Variants in OPHN1 observed in about 807,000 individuals in gnomAD.
The protein encoded by OPHN1 is oligophrenin-1.
A neutral mutation model predicts 60.7 loss-of-function variants in OPHN1; 11 were observed. That is an observed-to-expected ratio of 0.18 (90% CI 0.11 to 0.30). The LOEUF is 0.30. Among genes scored for constraint, OPHN1 ranks in the 10% least tolerant of loss-of-function variants. The pLI is 1.00. For synonymous variants in OPHN1, 226 were observed against 222.6 expected (o/e 1.02, Z -0.14); for missense variants, 449 against 611.0 (o/e 0.73, Z 2.80).
At chrX:68,352,854 A>C (rs1569289411) in intron 2 of OPHN1, among the ~76,000 whole-genome samples, 1 of 112,372 alleles carries the variant, frequency 8.9e-6, no homozygotes, top group East Asian at 2.8e-4. Flanking sequence ...AAGTTTCTTC[A>C]GAAGAAAGGT....
At chrX:68,162,904 T>C (rs1602201793) in intron 15 of OPHN1, among the ~76,000 whole-genome samples, 1 of 110,895 alleles carries the variant, frequency 9.0e-6, no homozygotes, top group Non-Finnish European at 1.9e-5. Flanking sequence ...TATTATTAAA[T>C]AATAAAACAT....
At chrX:68,371,232 T>TC (rs2078526925) in intron 2 of OPHN1, among the ~76,000 whole-genome samples, 1 of 109,186 alleles carries the variant, frequency 9.2e-6, no homozygotes, top group South Asian at 4.0e-4. Flanking sequence ...TTTTTTTTTT[T>TC]TCCAAAAAAA....
intron 2 of OPHN1, among the ~76,000 whole-genome samples, chrX:68,405,869 C>T (rs1162208409): frequency 1.8e-5 from 2 of 111,303 alleles, no homozygotes; most frequent in Non-Finnish European, 3.8e-5. Context: ...TGAGGCTGGG[C>T]GTAGTGGCGC....
chrX:68,125,930 A>AATATATATAT (rs59058075), intron 15 of OPHN1, among the ~76,000 whole-genome samples: 1,351 of 22,178 alleles, frequency 0.061, 110 homozygotes, highest in African/African-American at 0.085. Flanking sequence ...ACCACTGATC[A>AATATATATAT]ATATATATAT....
At chrX:68,393,729 A>C (rs968101481) in intron 2 of OPHN1, among the ~76,000 whole-genome samples, 2 of 109,362 alleles carry the variant, frequency 1.8e-5, no homozygotes, top group Non-Finnish European at 3.8e-5. Context: ...TCTAAAATTA[A>C]TTTTTACATA....
At chrX:68,092,914 G>A (rs1473224590) in intron 19 of OPHN1, among the ~76,000 whole-genome samples, 1 of 110,859 alleles carries the variant, frequency 9.0e-6, no homozygotes, top group Non-Finnish European at 1.9e-5. Flanking sequence ...AATGAATTAG[G>A]ACATTTAAGA....
chrX:68,089,336 C>T (rs950170684), intron 19 of OPHN1, among the ~76,000 whole-genome samples: 5 of 111,340 alleles, frequency 4.5e-5, no homozygotes, highest in African/African-American at 1.3e-4. Flanking sequence ...GAGATATTTT[C>T]GATTCTCAAA....
At chrX:68,388,736 GC>G (rs2078637342) in intron 2 of OPHN1, among the ~76,000 whole-genome samples, 1 of 110,916 alleles carries the variant, frequency 9.0e-6, no homozygotes, top group South Asian at 3.8e-4. Context: ...TAGGTGAGGG[GC>G]ATAGATATAA....
intron 2 of OPHN1, among the ~76,000 whole-genome samples, chrX:68,389,656 G>T (rs867866579): frequency 2.8e-5 from 1 of 35,882 alleles, no homozygotes. Flanking sequence ...GTGTGATTTA[G>T]TAAAAAAAAA....
intron 2 of OPHN1, among the ~76,000 whole-genome samples, chrX:68,317,580 AG>A (rs2078214069): frequency 1.0e-5 from 1 of 98,454 alleles, no homozygotes; most frequent in African/African-American, 4.0e-5. Flanking sequence ...AGAAAGAGAA[AG>A]AAAGAAAGAG....
At chrX:68,243,854 T>C (rs759255985) in intron 5 of OPHN1, among the ~76,000 whole-genome samples, 1 of 112,506 alleles carries the variant, frequency 8.9e-6, no homozygotes, top group African/African-American at 3.2e-5. Context: ...AATAACATCA[T>C]ATTTTACTGG....
chrX:68,282,445 T>A (rs1451816649), intron 4 of OPHN1, among the ~76,000 whole-genome samples: 1 of 111,767 alleles, frequency 8.9e-6, no homozygotes, highest in Non-Finnish European at 1.9e-5. Context: ...CGGCCATGAA[T>A]CTATTCTGTA....
chrX:68,192,173 G>T, intron 15 of OPHN1, among the ~76,000 whole-genome samples: 1 of 111,508 alleles, frequency 9.0e-6, no homozygotes. Context: ...AAAGATAAAG[G>T]TTCAGCAAGT....
intron 15 of OPHN1, among the ~76,000 whole-genome samples, chrX:68,137,145 GTTGAT>G (rs2077223815): frequency 9.0e-6 from 1 of 111,558 alleles, no homozygotes; most frequent in Non-Finnish European, 1.9e-5. Context: ...AATACAAGGG[GTTGAT>G]TTATGAGGAG....
chrX:68,382,874 C>G (rs1376338429), intron 2 of OPHN1, among the ~76,000 whole-genome samples: 3 of 111,639 alleles, frequency 2.7e-5, no homozygotes, highest in Non-Finnish European at 5.6e-5. Context: ...AAAAGGGGCT[C>G]TCCCCAAAAG....
chrX:68,358,823 T>C (rs1024763020), intron 2 of OPHN1, among the ~76,000 whole-genome samples: 2 of 111,897 alleles, frequency 1.8e-5, no homozygotes, highest in African/African-American at 6.5e-5. Flanking sequence ...ATTTTTCAGA[T>C]AAGAAAGCTA....
At chrX:68,059,384 T>C (rs1025166432) in intron 21 of OPHN1, among the ~76,000 whole-genome samples, 1 of 111,577 alleles carries the variant, frequency 9.0e-6, no homozygotes, top group Non-Finnish European at 1.9e-5. Context: ...AGGAGGTTGA[T>C]TCCTCTTGTA....
At chrX:68,121,596 G>A (rs2077150904) in intron 15 of OPHN1, among the ~76,000 whole-genome samples, 1 of 109,886 alleles carries the variant, frequency 9.1e-6, no homozygotes, top group Non-Finnish European at 1.9e-5. Flanking sequence ...AACTTGAAGG[G>A]CACTCTAAGC....
intron 5 of OPHN1, among the ~76,000 whole-genome samples, chrX:68,242,175 C>A (rs2077784399): frequency 1.1e-5 from 1 of 90,543 alleles, no homozygotes; most frequent in Non-Finnish European, 2.1e-5. Flanking sequence ...CGCTTGAAGC[C>A]AGGAGTTTGA....
Sources: gnomAD v4.1 joint callset for allele counts (sites outside exome capture counted in the v4.1 genomes callset) on GRCh38, gnomAD v4.1.1 for gene constraint, MANE v1.5 for transcripts, NCBI Gene and HGNC (gene_info 2026-07-23, HGNC 2026-07-21) for gene names.